The following CCDC171 variants were observed in gnomAD, a reference collection of about 807,000 sequenced individuals.
CCDC171 encodes coiled-coil domain containing 171.
In CCDC171, 177 loss-of-function variants were observed where a neutral mutation model predicts 168.2. The ratio of observed to expected loss-of-function variants is 1.05; its 90% CI spans 0.93 to 1.19. CCDC171 has a LOEUF of 1.19. CCDC171 is among the 50% of genes most tolerant of loss of function. The probability of loss-of-function intolerance (pLI) is 0.00; values close to 1 mark genes in which losing one functional copy is unlikely to be tolerated. For synonymous variants in CCDC171, 687 were observed against 540.8 expected (o/e 1.27, Z -3.75); for missense variants, 1,991 against 1,539.0 (o/e 1.29, Z -4.91).
At chr9:15,645,333 C>G (rs544081338) in intron 7 of CCDC171, among the ~76,000 whole-genome samples, 4 of 121,560 alleles carry the variant, frequency 3.3e-5, no homozygotes, top group East Asian at 4.1e-4. Context: ...CAGAGCTCTT[C>G]TACCTCTCCA....
At position 15,608,088 on chromosome 9, in the gene CCDC171, T is replaced by C. The variant is rs575730131; in HGVS notation, c.675+13916T>C. 3.0e-4 allele frequency among the ~76,000 whole-genome samples: 46 copies of C among 152,272 alleles called. 3 individuals are homozygous for C. Among genetic ancestry groups the C allele is most frequent in the African/African-American group, 9.6e-4 (40 of 41,548 alleles). ...TGGGCTGAGTGTGCCAGCTCAGGTC[T>C]CTCTTTCTCTTCTTGTAAAGCCACC... On this transcript the variant is annotated intron_variant, in intron 6 of 25. Coordinates refer to ENST00000380701, the MANE Select transcript of CCDC171 (RefSeq NM_173550.4).
At chr9:15,584,578 A>G (rs528239860) in intron 4 of CCDC171, among the ~76,000 whole-genome samples, 1 of 152,296 alleles carries the variant, frequency 6.6e-6, no homozygotes, top group African/African-American at 2.4e-5. Flanking sequence ...AGATCACATG[A>G]GGGCCCCATG....
intron 12 of CCDC171, among the ~76,000 whole-genome samples, chr9:15,722,524 T>C (rs141070767): frequency 6.6e-6 from 1 of 152,356 alleles, no homozygotes; most frequent in Non-Finnish European, 1.5e-5. Flanking sequence ...GAAGAGTTTG[T>C]CTAGTTACAT....
At chr9:15,949,786 A>G (rs895769737) in intron 25 of CCDC171, among the ~76,000 whole-genome samples, 28 of 152,244 alleles carry the variant, frequency 1.8e-4, no homozygotes, top group African/African-American at 6.0e-4. Flanking sequence ...TCCTAATTGA[A>G]TACCCTTTAT....
chr9:15,929,628 T>C (rs1456930359), intron 25 of CCDC171, among the ~76,000 whole-genome samples: 1 of 151,788 alleles, frequency 6.6e-6, no homozygotes, highest in African/African-American at 2.4e-5. Flanking sequence ...CCCATCCTCT[T>C]ATTTCTATCT....
chr9:15,819,918 A>G lies in CCDC171; in HGVS notation c.3268-26784A>G, dbSNP rs537151840. ...TTCAGCACCACACCACACCTATTCC[A>G]AAATTGACCACATAGTTGGAAGTAA... On this transcript the variant is annotated intron_variant, in intron 21 of 25. Transcript: ENST00000380701. Among the ~76,000 whole-genome samples, 2 of 117,904 alleles carry G rather than the reference A, an allele frequency of 1.7e-5. 1 individual carries two copies. The highest frequency in any genetic ancestry group is 1.6e-4 in the Admixed American group (2 of 12,410). 77.3% of individuals were successfully genotyped at this position (117,904 alleles called of 152,430 possible). A position where few individuals can be genotyped will look rare whatever the true frequency, so the allele number is the denominator to read the frequency against.
At position 15,634,952 on chromosome 9, in the gene CCDC171, A is replaced by G. The variant is rs79167236; in HGVS notation, c.822+11539A>G. Among the ~76,000 whole-genome samples the G allele has an allele frequency of 9.8e-3, 1,493 of 152,308 alleles. 14 individuals carry two copies. Among genetic ancestry groups the G allele is most frequent in the Non-Finnish European group, 0.014 (958 of 68,022 alleles). On this transcript the variant is annotated intron_variant, in intron 7 of 25. Coordinates refer to ENST00000380701, the MANE Select transcript of CCDC171 (RefSeq NM_173550.4). Reference sequence around the variant, plus strand: ...AGCATAATGTTTTCAAGGTTTGTCCATGTTGCAGCATGTATTAGTGCTTCA... The same window carrying G: ...AGCATAATGTTTTCAAGGTTTGTCCGTGTTGCAGCATGTATTAGTGCTTCA...
intron 4 of CCDC171, among the ~76,000 whole-genome samples, chr9:15,582,592 C>G (rs1243817178): frequency 6.6e-6 from 1 of 152,126 alleles, no homozygotes; most frequent in African/African-American, 2.4e-5. Context: ...CCATGGAATA[C>G]TATGCAGCCA....
At chr9:15,674,393 C>T (rs1354058576) in intron 9 of CCDC171, among the ~76,000 whole-genome samples, 1 of 151,944 alleles carries the variant, frequency 6.6e-6, no homozygotes, top group African/African-American at 2.4e-5. Flanking sequence ...TATTTCTTGC[C>T]TTCTGCTAGC....
At chr9:15,588,589 G>C (rs909499241) in intron 4 of CCDC171, 1 of 312,686 alleles carries the variant, frequency 3.2e-6, no homozygotes, top group Non-Finnish European at 6.5e-6. Context: ...GGCACAGGAA[G>C]CTCAGCGTGC....
At chr9:15,996,295 C>G (rs1235433999) in intron 3 of CCDC171, among the ~76,000 whole-genome samples, 3 of 152,052 alleles carry the variant, frequency 2.0e-5, no homozygotes, top group Non-Finnish European at 4.4e-5. Flanking sequence ...CGTGGGGAAC[C>G]TGCTGTTGGT....
At chr9:15,780,546 C>T (rs555344023) in intron 20 of CCDC171, among the ~76,000 whole-genome samples, 6 of 152,056 alleles carry the variant, frequency 3.9e-5, no homozygotes, top group South Asian at 4.1e-4. Context: ...ATTTTAAAAA[C>T]GAGGAAAGTT....
chr9:15,912,649 A>G (rs1422811217), intron 24 of CCDC171, among the ~76,000 whole-genome samples: 1 of 152,182 alleles, frequency 6.6e-6, no homozygotes, highest in Non-Finnish European at 1.5e-5. Context: ...GTTTTTGCCC[A>G]TTCAGTATGA....
At chr9:15,679,907 A>G (rs535253872) in intron 10 of CCDC171, among the ~76,000 whole-genome samples, 24 of 152,260 alleles carry the variant, frequency 1.6e-4, no homozygotes, top group Admixed American at 3.3e-4. Context: ...TTTACCTGCA[A>G]TGACTAAAAT....
chr9:15,884,958 A>G (rs1819191526), intron 24 of CCDC171, among the ~76,000 whole-genome samples: 1 of 152,212 alleles, frequency 6.6e-6, no homozygotes, highest in Admixed American at 6.5e-5. Context: ...CCTTCAAAAA[A>G]ATAATATGTT....
At chr9:15,875,964 C>T (rs1817785930) in intron 24 of CCDC171, 1 of 151,986 alleles carries the variant, frequency 6.6e-6, no homozygotes, top group African/African-American at 2.4e-5. Flanking sequence ...ACTATGAATA[C>T]AGTCTGATTT....
intron 9 of CCDC171, among the ~76,000 whole-genome samples, chr9:15,671,720 A>G (rs185742342): frequency 5.2e-4 from 79 of 152,202 alleles, no homozygotes; most frequent in African/African-American, 1.8e-3. Flanking sequence ...AGTATTCCAT[A>G]GTGTATATGT....
At chr9:15,573,203 T>A (rs574911520) in intron 3 of CCDC171, among the ~76,000 whole-genome samples, 52 of 152,312 alleles carry the variant, frequency 3.4e-4, no homozygotes, top group African/African-American at 1.2e-3. Flanking sequence ...TATTGCTGAT[T>A]GAAATAACAA....
intron 1 of CCDC171, among the ~76,000 whole-genome samples, chr9:15,559,597 C>G (rs1467953417): frequency 6.6e-6 from 1 of 152,112 alleles, no homozygotes; most frequent in African/African-American, 2.4e-5. Flanking sequence ...AGATCTTACT[C>G]CGTCCCTTTA....
Sources: allele counts gnomAD v4.1 joint callset (sites outside exome capture counted in the v4.1 genomes callset), GRCh38; gene constraint gnomAD v4.1.1; transcripts MANE v1.5; gene names NCBI Gene and HGNC (gene_info 2026-07-23, HGNC 2026-07-21).